RGS6: variants seen among roughly 807,000 people sequenced by gnomAD.
RGS6 encodes regulator of G protein signaling 6.
A neutral mutation model predicts 78.5 loss-of-function variants in RGS6; 30 were observed. The observed-to-expected ratio is 0.38, with a 90% CI of 0.29 to 0.52. The LOEUF is 0.52. RGS6 is among the 20% of genes least tolerant of loss of function. The pLI, the probability that RGS6 is intolerant of heterozygous loss-of-function variation, is 0.85. For missense variants in RGS6, 495 were observed against 609.7 expected (o/e 0.81, Z 1.98); for synonymous variants, 206 against 206.0 (o/e 1.00, Z 0.00).
intron 2 of RGS6, among the ~76,000 whole-genome samples, chr14:72,078,295 GC>G (rs1174712870): frequency 1.3e-5 from 2 of 152,086 alleles, no homozygotes; most frequent in Non-Finnish European, 2.9e-5. Flanking sequence ...GTTTCCTGAG[GC>G]CTCTCCAGAA....
At chr14:72,210,603 G>T (rs140485939) in intron 2 of RGS6, among the ~76,000 whole-genome samples, 1 of 152,252 alleles carries the variant, frequency 6.6e-6, no homozygotes, top group Non-Finnish European at 1.5e-5. Flanking sequence ...AATGTTTGCG[G>T]GGATGGGAGG....
intron 15 of RGS6, among the ~76,000 whole-genome samples, chr14:72,525,727 G>A (rs2097108590): frequency 6.6e-6 from 1 of 152,200 alleles, no homozygotes; most frequent in South Asian, 2.1e-4. Context: ...GGCATTGCGT[G>A]CCAGTATCAC....
chr14:72,135,506 C>A (rs1319248886), intron 2 of RGS6, among the ~76,000 whole-genome samples: 1 of 152,132 alleles, frequency 6.6e-6, no homozygotes, highest in African/African-American at 2.4e-5. Context: ...CACTTTCTGG[C>A]ATGTTTTTTA....
the RGS6 span, among the ~76,000 whole-genome samples, chr14:71,867,584 A>G: frequency 6.6e-6 from 1 of 152,282 alleles, no homozygotes; most frequent in African/African-American, 2.4e-5. Context: ...CTGGGCCTGG[A>G]GAGAATCATC....
intron 2 of RGS6, among the ~76,000 whole-genome samples, chr14:72,094,304 A>C (rs1197087021): frequency 1.3e-5 from 2 of 152,204 alleles, no homozygotes; most frequent in Non-Finnish European, 2.9e-5. Flanking sequence ...TTGGCTTTTT[A>C]AATAAATGGT....
intron 3 of RGS6, among the ~76,000 whole-genome samples, chr14:72,440,003 G>A (rs1014785223): frequency 1.3e-5 from 2 of 152,180 alleles, no homozygotes; most frequent in African/African-American, 4.8e-5. Context: ...CCAAACCTTT[G>A]TCTAAAGCAC....
chr14:72,536,024 G>T (rs918914193), intron 15 of RGS6, among the ~76,000 whole-genome samples, 162 bp from the exon 16 acceptor site: 2 of 152,182 alleles, frequency 1.3e-5, no homozygotes, highest in African/African-American at 4.8e-5. Context: ...TGCTGAGTTT[G>T]GGGGTGTGGG....
chr14:71,898,960 C>T, the RGS6 span, among the ~76,000 whole-genome samples: 1 of 152,136 alleles, frequency 6.6e-6, no homozygotes, highest in Non-Finnish European at 1.5e-5. Flanking sequence ...AGCATTAATG[C>T]TGTGATGAAC....
chr14:72,541,004 C>T (rs1023465383), intron 17 of RGS6: 31 of 1,284,752 alleles, frequency 2.4e-5, no homozygotes, highest in South Asian at 1.6e-4. Flanking sequence ...CCATGCTGGT[C>T]GGCCCAAGAT....
chr14:71,903,420 T>C, the RGS6 span, among the ~76,000 whole-genome samples: 1 of 152,206 alleles, frequency 6.6e-6, no homozygotes, highest in African/African-American at 2.4e-5. Flanking sequence ...AAAGGTTGGG[T>C]TCCTTATTAG....
At chr14:72,571,297 G>A (rs2097719961), downstream of RGS6, among the ~76,000 whole-genome samples, 1 of 152,146 alleles carries the variant, frequency 6.6e-6, no homozygotes, top group African/African-American at 2.4e-5. Flanking sequence ...TGCTTACCAT[G>A]GTCTTTACTC....
chr14:72,075,692 T>C (rs150890058), intron 2 of RGS6, among the ~76,000 whole-genome samples: 135 of 152,316 alleles, frequency 8.9e-4, no homozygotes, highest in Non-Finnish European at 1.4e-3. Flanking sequence ...CTGACATTTT[T>C]CCTTGCAGAT....
At position 72,412,460 on chromosome 14, in the gene RGS6, C is replaced by T. The variant is rs182142408; in HGVS notation, c.185-42068C>T. 3.2e-3 allele frequency among the ~76,000 whole-genome samples: 486 copies of T among 151,882 alleles called. 3 individuals carry two copies. Among genetic ancestry groups the T allele is most frequent in the African/African-American group, 0.011 (464 of 41,454 alleles). Reference sequence around the variant, plus strand: ...CGTCTATTTGATTCTTCTCTCTTTTCTTCTTTATTAGTCTTGGTAGCAGTC... The same window carrying T: ...CGTCTATTTGATTCTTCTCTCTTTTTTTCTTTATTAGTCTTGGTAGCAGTC... On this transcript the variant is annotated intron_variant, in intron 3 of 17. Transcript: ENST00000553525.
At chr14:72,187,352 A>C (rs144780629) in intron 2 of RGS6, among the ~76,000 whole-genome samples, 2 of 152,330 alleles carry the variant, frequency 1.3e-5, no homozygotes, top group East Asian at 3.9e-4. Context: ...TGTGGCTACA[A>C]GTAGATTGTG....
At chr14:72,507,039 G>C (rs1006730080) in intron 13 of RGS6, among the ~76,000 whole-genome samples, 2 of 149,034 alleles carry the variant, frequency 1.3e-5, no homozygotes, top group Non-Finnish European at 3.0e-5. Context: ...CATGGTGGCG[G>C]GTGCCTGTAG....
chr14:71,875,934 T>C, the RGS6 span, among the ~76,000 whole-genome samples: 2 of 152,324 alleles, frequency 1.3e-5, no homozygotes, highest in East Asian at 3.9e-4. Flanking sequence ...TGTTGTTCAG[T>C]TTCCATGTAG....
At chr14:72,414,274 T>C (rs1447359042) in intron 3 of RGS6, among the ~76,000 whole-genome samples, 17 of 152,194 alleles carry the variant, frequency 1.1e-4, no homozygotes, top group Non-Finnish European at 1.5e-5. Context: ...GTTTTTATTC[T>C]TTTTTCTCTA....
chr14:72,018,072 G>C (rs188587885), intron 2 of RGS6, among the ~76,000 whole-genome samples: 15 of 152,210 alleles, frequency 9.9e-5, no homozygotes, highest in Non-Finnish European at 2.1e-4. Flanking sequence ...ACGGCTTCCA[G>C]CTCCATCCAT....
chr14:72,485,894 C>G (rs756760880), intron 12 of RGS6, among the ~76,000 whole-genome samples: 32 of 152,132 alleles, frequency 2.1e-4, no homozygotes, highest in Non-Finnish European at 2.8e-4. Flanking sequence ...AACATGACAC[C>G]ACCAGCCCTT....
Sources: allele counts gnomAD v4.1 joint callset (sites outside exome capture counted in the v4.1 genomes callset), GRCh38; gene constraint gnomAD v4.1.1; transcripts MANE v1.5; gene names NCBI Gene and HGNC (gene_info 2026-07-23, HGNC 2026-07-21).